LAMA4: variants seen among roughly 807,000 people sequenced by gnomAD.
LAMA4 encodes the protein laminin subunit alpha-4.
LAMA4 carries 127 observed loss-of-function variants against 207.1 expected under a neutral mutation model. The ratio of observed to expected loss-of-function variants is 0.61; its 90% CI spans 0.53 to 0.71. The LOEUF is 0.71. LAMA4 is among the 30% of genes least tolerant of loss of function. The pLI, the probability that LAMA4 is intolerant of heterozygous loss-of-function variation, is 0.00. For missense variants in LAMA4, 2,093 were observed against 2,246.5 expected (o/e 0.93, Z 1.38); for synonymous variants, 761 against 816.0 (o/e 0.93, Z 1.15).
At chr6:112,237,124 A>T (rs1426737791) in intron 2 of LAMA4, among the ~76,000 whole-genome samples, 1 of 152,226 alleles carries the variant, frequency 6.6e-6, no homozygotes, top group Non-Finnish European at 1.5e-5. Context: ...TGACCGAGAC[A>T]AAAGTGGAAT....
chr6:112,163,415 A>G (rs1209856324), intron 13 of LAMA4, among the ~76,000 whole-genome samples: 1 of 152,132 alleles, frequency 6.6e-6, no homozygotes, highest in Non-Finnish European at 1.5e-5. Flanking sequence ...TTGACCACTT[A>G]GAGGGTGTGC....
intron 35 of LAMA4, among the ~76,000 whole-genome samples, chr6:112,116,569 G>A (rs1279528751): frequency 6.6e-6 from 1 of 152,202 alleles, no homozygotes; most frequent in Non-Finnish European, 1.5e-5. Context: ...ACTGGTGCCA[G>A]TGTTGTACAG....
Position 112,115,895 on chromosome 6 carries a change from C to T in LAMA4, c.5080G>A (p.Glu1694Lys), listed in dbSNP as rs1459569651. The change falls in exon 36 of 39, where the codon GAG becomes AAG. Residue 1694 changes from glutamate (E) to lysine (K), a missense_variant. Glu to Lys is a moderately conservative substitution (Grantham distance 56). This residue lies in a region of LAMA4 where 383 missense variants were observed against 437.8 expected (regional missense o/e 0.87). Transcript: ENST00000230538. Reference protein sequence around the residue: ...TLVHGHSVNGEYLNVHMKNGQ... With the variant: ...TLVHGHSVNGKYLNVHMKNGQ... Reference sequence around the variant, plus strand: ...TTTTTCATGTGAACATTTAGGTACTCCCCATTGACACTGTGGCCGTGGACC... The same window carrying T: ...TTTTTCATGTGAACATTTAGGTACTTCCCATTGACACTGTGGCCGTGGACC... 4 of 1,613,376 alleles carry T rather than the reference C, an allele frequency of 2.5e-6. No homozygotes were observed. In the African/African-American group the frequency reaches 5.3e-5, roughly 22 times the overall value.
chr6:112,147,961 G>A (rs1780134584), intron 18 of LAMA4, among the ~76,000 whole-genome samples, 196 bp downstream of exon 18: 1 of 152,116 alleles, frequency 6.6e-6, no homozygotes, highest in Non-Finnish European at 1.5e-5. Flanking sequence ...ATATATGTAT[G>A]TTTCTCATAT....
chr6:112,159,874 C>G (rs1338001548), intron 13 of LAMA4, among the ~76,000 whole-genome samples: 1 of 152,084 alleles, frequency 6.6e-6, no homozygotes, highest in Admixed American at 6.5e-5. Context: ...TCAACTCCAC[C>G]CTTCTTTGTC....
chr6:112,249,692 G>A (rs1787289959), intron 2 of LAMA4, among the ~76,000 whole-genome samples: 1 of 152,066 alleles, frequency 6.6e-6, no homozygotes, highest in Admixed American at 6.5e-5. Flanking sequence ...AAAGTTACTG[G>A]AAATTACTCA....
intron 13 of LAMA4, chr6:112,162,070 A>T (rs1443049604): frequency 6.6e-6 from 1 of 152,410 alleles, no homozygotes; most frequent in East Asian, 1.9e-4. Context: ...TTGAAGGACA[A>T]GAGTGGAGAC....
intron 8 of LAMA4, 167 bp downstream of exon 8, chr6:112,187,283 A>G (rs1554346970): frequency 3.7e-6 from 3 of 817,618 alleles, no homozygotes; most frequent in South Asian, 2.9e-5. Context: ...TCAACTTTTC[A>G]TAATTTCCTA....
At chr6:112,149,082 T>A (rs1383022631) in intron 17 of LAMA4, among the ~76,000 whole-genome samples, 4 of 149,932 alleles carry the variant, frequency 2.7e-5, no homozygotes, top group African/African-American at 9.7e-5. Flanking sequence ...TTTGAAGTTA[T>A]ACCATCACCT....
intron 37 of LAMA4, 51 bp downstream of exon 37, chr6:112,114,612 A>T (rs782006918): frequency 8.4e-7 from 1 of 1,186,430 alleles, no homozygotes; most frequent in South Asian, 1.2e-5. Context: ...CTGCCAGATC[A>T]TAATCTTACA....
chr6:112,166,412 G>A (rs1781385644), intron 12 of LAMA4: 1 of 152,124 alleles, frequency 6.6e-6, no homozygotes, highest in South Asian at 2.1e-4. Flanking sequence ...ACAAAGACTG[G>A]GAGTTATACA....
intron 8 of LAMA4, 117 bp from the exon 9 acceptor site, chr6:112,185,464 A>T: frequency 1.4e-6 from 1 of 717,146 alleles, no homozygotes; most frequent in Non-Finnish European, 2.5e-6. Context: ...TTTTCTCAAA[A>T]TAGTGGGGTC....
intron 2 of LAMA4, among the ~76,000 whole-genome samples, chr6:112,250,902 A>G (rs1296263079): frequency 2.6e-5 from 4 of 152,208 alleles, no homozygotes; most frequent in Non-Finnish European, 1.5e-5. Flanking sequence ...ATATTGGTCA[A>G]GAAGAGTTTG....
intron 13 of LAMA4, chr6:112,163,936 T>A (rs917417290): frequency 4.6e-5 from 7 of 152,298 alleles, no homozygotes; most frequent in Admixed American, 3.9e-4. Context: ...GAAGGAATGC[T>A]TACAACGGAG....
At chr6:112,182,271 A>T (rs1177055482) in intron 9 of LAMA4, among the ~76,000 whole-genome samples, 15 of 152,174 alleles carry the variant, frequency 9.9e-5, no homozygotes, top group African/African-American at 3.6e-4. Context: ...AGAATGGTGT[A>T]GTATTTGCAA....
chr6:112,208,870 G>A (rs1413603154), intron 3 of LAMA4, among the ~76,000 whole-genome samples: 1 of 152,174 alleles, frequency 6.6e-6, no homozygotes, highest in Non-Finnish European at 1.5e-5. Context: ...AGTTCAGATT[G>A]CCTGACAGAT....
intron 6 of LAMA4, among the ~76,000 whole-genome samples, chr6:112,190,998 TC>T (rs1189962647): frequency 6.7e-6 from 1 of 149,956 alleles, no homozygotes; most frequent in East Asian, 2.0e-4. Context: ...CCTCTTTCTT[TC>T]TTTCTTTCTC....
intron 3 of LAMA4, among the ~76,000 whole-genome samples, chr6:112,211,320 C>T (rs569919747): frequency 6.6e-6 from 1 of 152,052 alleles, no homozygotes; most frequent in Non-Finnish European, 1.5e-5. Context: ...AAGAAGTGAC[C>T]CAAGTATCTC....
chr6:112,231,021 T>C (rs562809083), intron 2 of LAMA4, among the ~76,000 whole-genome samples: 36 of 152,122 alleles, frequency 2.4e-4, no homozygotes, highest in Non-Finnish European at 4.4e-4. Context: ...AAGAAGAAAA[T>C]GATGCTGGAA....
Sources: allele counts gnomAD v4.1 joint callset (sites outside exome capture counted in the v4.1 genomes callset), GRCh38; gene constraint gnomAD v4.1.1; regional missense constraint gnomAD v4.1.1; transcripts MANE v1.5; gene names NCBI Gene and HGNC (gene_info 2026-07-23, HGNC 2026-07-21).